NUBPL: variants seen among roughly 807,000 people sequenced by gnomAD.
NUBPL encodes the protein NUBP iron-sulfur cluster assembly factor, mitochondrial, also known as iron-sulfur cluster transfer protein NUBPL.
A neutral mutation model predicts 45.7 loss-of-function variants in NUBPL; 31 were observed. The ratio of observed to expected loss-of-function variants is 0.68; its 90% confidence interval spans 0.51 to 0.92. The LOEUF (loss-of-function observed/expected upper bound fraction) is 0.92, where lower values mean the gene tolerates loss of function less well. Among genes scored for constraint, NUBPL ranks in the 40% least tolerant of loss-of-function variants. The probability of loss-of-function intolerance (pLI) is 0.00; values close to 1 mark genes in which losing one functional copy is unlikely to be tolerated. For missense variants in NUBPL, 401 were observed against 398.7 expected, an observed-to-expected ratio of 1.01 and a Z score of -0.05; for synonymous variants, 144 against 140.9, an observed-to-expected ratio of 1.02 and a Z score of -0.15.
intron 4 of NUBPL, among the ~76,000 whole-genome samples, chr14:31,666,289 G>C (rs2036425304): frequency 9.2e-6 from 1 of 108,140 alleles, no homozygotes; most frequent in Non-Finnish European, 2.0e-5. Context: ...TTTTGAGACG[G>C]AATCTCCCTT....
chr14:31,837,507 C>T (rs116458868), intron 8 of NUBPL, among the ~76,000 whole-genome samples: 131 of 152,032 alleles, frequency 8.6e-4, no homozygotes, highest in African/African-American at 3.0e-3. Context: ...GAACCACAAA[C>T]GTAGTTTTGA....
At chr14:31,829,014 A>G (rs949658500) in intron 8 of NUBPL, among the ~76,000 whole-genome samples, 3 of 152,234 alleles carry the variant, frequency 2.0e-5, no homozygotes, top group African/African-American at 7.2e-5. Flanking sequence ...TAAGGCTCAT[A>G]GGACTACTTC....
intron 4 of NUBPL, among the ~76,000 whole-genome samples, chr14:31,619,785 T>C (rs893817041): frequency 1.3e-5 from 2 of 151,738 alleles, no homozygotes; most frequent in African/African-American, 4.8e-5. Flanking sequence ...TTTCGAGGAG[T>C]GTGTTTTTGG....
At position 31,721,626 on chromosome 14, in the gene NUBPL, A is replaced by T. The variant is rs371812824; in HGVS notation, c.513+48052A>T. On this transcript the variant is annotated intron_variant, in intron 6 of 10. Transcript: ENST00000281081. ...CATCTCTAGTAACGTTTTTTTTTTTAAACTTTTATTTTAGGTTCTGTGGTA... is the reference window on the plus strand; with the variant it reads ...CATCTCTAGTAACGTTTTTTTTTTTTAACTTTTATTTTAGGTTCTGTGGTA... Among the ~76,000 whole-genome samples the T allele has an allele frequency of 8.5e-3, 1,275 of 149,592 alleles. 14 individuals are homozygous for T. The highest frequency in any genetic ancestry group is 0.021 in the Admixed American group (315 of 15,062).
intron 4 of NUBPL, among the ~76,000 whole-genome samples, chr14:31,646,938 T>A (rs2035871377): frequency 6.6e-6 from 1 of 152,200 alleles, no homozygotes; most frequent in African/African-American, 2.4e-5. Context: ...CAAATAGTCT[T>A]GTTTTTGAGC....
intron 6 of NUBPL, among the ~76,000 whole-genome samples, chr14:31,734,370 A>T (rs960995870): frequency 1.3e-5 from 2 of 152,222 alleles, no homozygotes; most frequent in African/African-American, 4.8e-5. Flanking sequence ...AGGACATTTG[A>T]TAGCTGTTTC....
chr14:31,666,555 G>C (rs1255444467), intron 4 of NUBPL, among the ~76,000 whole-genome samples: 1 of 151,956 alleles, frequency 6.6e-6, no homozygotes, highest in African/African-American at 2.4e-5. Flanking sequence ...GAGCCACCGT[G>C]CCCGGCCAAG....
Position 31,837,236 on chromosome 14 carries a change from G to A in NUBPL, c.694-9235G>A, listed in dbSNP as rs114657840. Among the ~76,000 whole-genome samples the A allele has an allele frequency of 6.5e-3, 987 of 152,166 alleles. 12 individuals carry two copies. Among genetic ancestry groups the A allele is most frequent in the African/African-American group, 0.022 (931 of 41,512 alleles). On this transcript the variant is annotated intron_variant, in intron 8 of 10. Transcript: ENST00000281081. ...CTTAGGAGGCTGAGGCAAGAAGATC[G>A]CCTGAGTCCGGGAGTTGCAGTTTGT...
intron 6 of NUBPL, among the ~76,000 whole-genome samples, chr14:31,694,696 A>G (rs2037175154): frequency 6.6e-6 from 1 of 152,126 alleles, no homozygotes; most frequent in Non-Finnish European, 1.5e-5. Flanking sequence ...TTGTATTTTT[A>G]GTAGAGACGG....
chr14:31,591,411 C>T (rs2034139971), intron 3 of NUBPL, among the ~76,000 whole-genome samples: 1 of 152,192 alleles, frequency 6.6e-6, no homozygotes, highest in South Asian at 2.1e-4. Context: ...ATCCTCCCGC[C>T]TCAGCCTCCT....
intron 6 of NUBPL, among the ~76,000 whole-genome samples, chr14:31,771,512 G>T (rs1344190236): frequency 6.6e-6 from 1 of 152,108 alleles, no homozygotes; most frequent in Non-Finnish European, 1.5e-5. Context: ...ACTCTTCAGG[G>T]ATTTGAAGAA....
At chr14:31,631,636 A>G (rs997213090) in intron 4 of NUBPL, among the ~76,000 whole-genome samples, 1 of 152,194 alleles carries the variant, frequency 6.6e-6, no homozygotes, top group Admixed American at 6.5e-5. Flanking sequence ...TCTAAGAACC[A>G]GTATAGCCAA....
intron 10 of NUBPL, among the ~76,000 whole-genome samples, chr14:31,854,553 A>G (rs2040588021): frequency 6.6e-6 from 1 of 152,222 alleles, no homozygotes; most frequent in Admixed American, 6.5e-5. Flanking sequence ...TATTTATTAT[A>G]TGCTTCCTCT....
At chr14:31,848,244 C>T (rs1480647729) in intron 9 of NUBPL, among the ~76,000 whole-genome samples, 3 of 152,152 alleles carry the variant, frequency 2.0e-5, no homozygotes, top group Non-Finnish European at 4.4e-5. Context: ...AGGGCACGTC[C>T]CCTCCTTTTA....
At chr14:31,726,953 T>G (rs2037939546) in intron 6 of NUBPL, among the ~76,000 whole-genome samples, 1 of 152,056 alleles carries the variant, frequency 6.6e-6, no homozygotes, top group South Asian at 2.1e-4. Context: ...CAGATATCAG[T>G]AGCAACCCCC....
chr14:31,815,572 T>C (rs934156608), intron 7 of NUBPL, among the ~76,000 whole-genome samples: 2 of 152,074 alleles, frequency 1.3e-5, no homozygotes, highest in African/African-American at 4.8e-5. Context: ...CCAATACTAT[T>C]TTGAATAGGA....
At chr14:31,857,303 G>T (rs747114936) in intron 10 of NUBPL, among the ~76,000 whole-genome samples, 1 of 152,102 alleles carries the variant, frequency 6.6e-6, no homozygotes, top group African/African-American at 2.4e-5. Context: ...CACACAACAC[G>T]GGGACTCTGG....
At chr14:31,820,348 A>G (rs2039996607) in intron 7 of NUBPL, among the ~76,000 whole-genome samples, 1 of 152,102 alleles carries the variant, frequency 6.6e-6, no homozygotes, top group Non-Finnish European at 1.5e-5. Flanking sequence ...ATCATTAATG[A>G]TGGTATAAAG....
In NUBPL at chr14:31,798,376, T is replaced by G. The variant is rs116101559; in HGVS notation, c.607+10503T>G. ...AGTTGATGCCTTTTAGTATTCCCTT[T>G]GTTTTAGTGTGTGGGATAGTAGTGT... On this transcript the variant is annotated intron_variant, in intron 7 of 10. Coordinates refer to ENST00000281081, the MANE Select transcript of NUBPL (RefSeq NM_025152.3). Among the ~76,000 whole-genome samples the G allele has an allele frequency of 6.4e-3, 964 of 151,692 alleles. 11 individuals carry two copies. The highest frequency in any genetic ancestry group is 0.022 in the African/African-American group (901 of 41,320).
Sources: allele counts gnomAD v4.1 joint callset (sites outside exome capture counted in the v4.1 genomes callset), GRCh38; gene constraint gnomAD v4.1.1; transcripts MANE v1.5; gene names NCBI Gene and HGNC (gene_info 2026-07-23, HGNC 2026-07-21).